The following SMAD4 variants were observed in gnomAD, a reference collection of about 807,000 sequenced individuals.
SMAD4 encodes MAD homolog 4.
Under a neutral mutation model 63.2 loss-of-function variants are expected in SMAD4, and 7 were observed. The ratio of observed to expected loss-of-function variants is 0.11; its 90% CI spans 0.06 to 0.21. The LOEUF is 0.21. Ranked by LOEUF, SMAD4 falls within the 10% of genes least tolerant of loss-of-function variation. The probability of loss-of-function intolerance (pLI) is 1.00; values close to 1 mark genes in which losing one functional copy is unlikely to be tolerated. For synonymous variants in SMAD4, 215 were observed against 235.4 expected, an observed-to-expected ratio of 0.91 and a Z score of 0.79; for missense variants, 312 against 693.8, an observed-to-expected ratio of 0.45 and a Z score of 6.18.
chr18:51,066,736 T>C (rs1910168579), intron 9 of SMAD4: 2 of 322,302 alleles, frequency 6.2e-6, no homozygotes, highest in Non-Finnish European at 1.2e-5. Context: ...AGTTTCTTTA[T>C]CTAAAAAAAT....
intron 1 of SMAD4, among the ~76,000 whole-genome samples, chr18:51,046,120 G>A (rs942631558): frequency 3.9e-5 from 6 of 152,238 alleles, no homozygotes; most frequent in Middle Eastern, 3.4e-3. Flanking sequence ...TTTCCCTCAA[G>A]TAGAAGTGTG....
At position 51,061,262 on chromosome 18, in the gene SMAD4, C is replaced by T. The variant is rs188570784; in HGVS notation, c.955+1346C>T. On this transcript the variant is annotated intron_variant, in intron 8 of 11. Coordinates refer to ENST00000342988, the MANE Select transcript of SMAD4 (RefSeq NM_005359.6). ...TTAAAGTGTACAATTAAATTATTGGCTACAGTCACCCTGTTGTGCTGTAAA... is the reference window on the plus strand; with the variant it reads ...TTAAAGTGTACAATTAAATTATTGGTTACAGTCACCCTGTTGTGCTGTAAA... Among the ~76,000 whole-genome samples, 312 of 152,234 alleles carry T rather than the reference C, an allele frequency of 2.0e-3. 1 individual carries two copies. The highest frequency in any genetic ancestry group is 3.6e-3 in the Non-Finnish European group (242 of 68,004).
intron 1 of SMAD4, among the ~76,000 whole-genome samples, chr18:51,034,580 A>G (rs781265621): frequency 5.3e-5 from 8 of 149,988 alleles, no homozygotes; most frequent in Admixed American, 1.3e-4. Context: ...CATCTTGCTC[A>G]GTGCCCCAGC....
chr18:51,034,615 G>A (rs1909151857), intron 1 of SMAD4, among the ~76,000 whole-genome samples: 2 of 151,756 alleles, frequency 1.3e-5, no homozygotes, highest in South Asian at 4.1e-4. Flanking sequence ...TGCAATCATA[G>A]CTCACTGCAG....
chr18:51,065,015 A>G (rs527679571), intron 8 of SMAD4, among the ~76,000 whole-genome samples: 43 of 152,370 alleles, frequency 2.8e-4, no homozygotes, highest in Middle Eastern at 3.4e-3. Context: ...TTGAGACTAC[A>G]TAGAGAATAT....
chr18:51,083,637 C>T lies in SMAD4; in HGVS notation c.*5170C>T, dbSNP rs117142232. 0.013 allele frequency: 3,022 copies of T among 227,564 alleles called. 28 individuals are homozygous for T. Among genetic ancestry groups the T allele is most frequent in the Middle Eastern group, 0.025 (19 of 752 alleles). The allele number at this position is 227,564 out of a possible 1,614,324, so 14.1% of individuals were successfully genotyped here. On this transcript the variant is annotated 3_prime_UTR_variant, in exon 12 of 12. Coordinates refer to ENST00000342988, the MANE Select transcript of SMAD4 (RefSeq NM_005359.6). ...GGCTCTGGGTTGGGCCAGACAGTTG[C>T]ACTCTCTAGTTTGCCCTCTGCCACA...
intron 2 of SMAD4, among the ~76,000 whole-genome samples, 195 bp from the exon 3 acceptor site, chr18:51,048,491 T>A (rs953121092): frequency 6.6e-6 from 1 of 152,242 alleles, no homozygotes; most frequent in Non-Finnish European, 1.5e-5. Flanking sequence ...AGCACAGGCC[T>A]TGAAATTATA....
intron 1 of SMAD4, among the ~76,000 whole-genome samples, chr18:51,032,087 A>G (rs1408546930): frequency 1.3e-5 from 2 of 152,244 alleles, no homozygotes; most frequent in African/African-American, 2.4e-5. Context: ...TGGACCAAGC[A>G]TTTGTAATTC....
chr18:51,054,012 A>G (rs1212597855), intron 4 of SMAD4: 1 of 152,234 alleles, frequency 6.6e-6, no homozygotes, highest in East Asian at 1.9e-4. Flanking sequence ...TTTGTCATAC[A>G]GCAGAGCTAA....
At chr18:51,071,743 A>G (rs558517158) in intron 10 of SMAD4, among the ~76,000 whole-genome samples, 3 of 152,294 alleles carry the variant, frequency 2.0e-5, no homozygotes, top group South Asian at 4.1e-4. Flanking sequence ...ATGACTGTGG[A>G]AAAAAACTCC....
At chr18:51,045,034 G>C (rs535480955) in intron 1 of SMAD4, 1 of 152,238 alleles carries the variant, frequency 6.6e-6, no homozygotes, top group African/African-American at 2.4e-5. Context: ...AGAGGGAGGA[G>C]CAAGTCTTCA....
At chr18:51,051,235 A>T in intron 4 of SMAD4, 3 of 364,482 alleles carry the variant, frequency 8.2e-6, no homozygotes, top group African/African-American at 4.3e-5. Context: ...ATGCACTGTT[A>T]TTGATGGGAT....
At chr18:51,046,898 C>CTTTTTTTTTTTTTT in intron 1 of SMAD4, 22 bp from the exon 2 acceptor site, 4 of 540,560 alleles carry the variant, frequency 7.4e-6, no homozygotes, top group Non-Finnish European at 9.5e-6. Flanking sequence ...TGATGTGTGT[C>CTTTTTTTTTTTTTT]TTTTTTTTTT....
intron 1 of SMAD4, among the ~76,000 whole-genome samples, chr18:51,043,725 T>C (rs1282025519): frequency 1.3e-5 from 2 of 152,212 alleles, no homozygotes; most frequent in Non-Finnish European, 2.9e-5. Context: ...GGCCCCAGCA[T>C]AGCATAAATT....
intron 8 of SMAD4, among the ~76,000 whole-genome samples, chr18:51,064,846 T>G (rs1031743092): frequency 2.6e-5 from 4 of 152,234 alleles, no homozygotes; most frequent in African/African-American, 4.8e-5. Context: ...ACTGTGTGAT[T>G]AGAGTATAAT....
At chr18:51,051,175 G>T (rs1188846916) in intron 4 of SMAD4, 2 of 295,830 alleles carry the variant, frequency 6.8e-6, no homozygotes, top group Admixed American at 9.2e-5. Flanking sequence ...TTGTGAGGGG[G>T]TTCAAATTCT....
chr18:51,076,033 C>T (rs190285888), intron 10 of SMAD4, among the ~76,000 whole-genome samples: 2 of 152,102 alleles, frequency 1.3e-5, no homozygotes, highest in African/African-American at 4.8e-5. Context: ...CCCATATACC[C>T]ATCGCACGGA....
intron 8 of SMAD4, among the ~76,000 whole-genome samples, chr18:51,063,767 A>G (rs774156995): frequency 6.6e-6 from 1 of 152,222 alleles, no homozygotes; most frequent in African/African-American, 2.4e-5. Context: ...CACTCAGTGA[A>G]GACACTTAGT....
intron 10 of SMAD4, among the ~76,000 whole-genome samples, chr18:51,068,767 A>G (rs1233886691): frequency 1.3e-5 from 2 of 151,966 alleles, no homozygotes; most frequent in Admixed American, 6.6e-5. Flanking sequence ...AAAAAAATTA[A>G]AAAATTAGCT....
Sources: allele counts gnomAD v4.1 joint callset (sites outside exome capture counted in the v4.1 genomes callset), GRCh38; gene constraint gnomAD v4.1.1; transcripts MANE v1.5; gene names NCBI Gene and HGNC (gene_info 2026-07-23, HGNC 2026-07-21).